CKAP2: variants seen among roughly 807,000 people sequenced by gnomAD.
CKAP2 encodes the protein cytoskeleton-associated protein 2.
A neutral mutation model predicts 58.4 loss-of-function variants in CKAP2; 46 were observed. The ratio of observed to expected loss-of-function variants is 0.79; its 90% confidence interval spans 0.62 to 1.01. The LOEUF (loss-of-function observed/expected upper bound fraction) is 1.01. Ranked by LOEUF, CKAP2 falls within the 50% of genes least tolerant of loss-of-function variation. CKAP2 has a pLI of 0.00. For missense variants in CKAP2, 809 were observed against 796.4 expected, an observed-to-expected ratio of 1.02 and a Z score of -0.19; for synonymous variants, 293 against 280.9, an observed-to-expected ratio of 1.04 and a Z score of -0.43.
At chr13:52,471,168 T>TA (rs376311846) in intron 7 of CKAP2, among the ~76,000 whole-genome samples, 9 of 145,348 alleles carry the variant, frequency 6.2e-5, no homozygotes, top group Admixed American at 2.0e-4. Flanking sequence ...AAAAGAAAAA[T>TA]AAAAAAAAAG....
Position 52,475,938 on chromosome 13 carries a change from A to G in CKAP2, c.*797A>G, listed in dbSNP as rs932427647. 1.3e-5 allele frequency: 2 copies of G among 152,194 alleles called. No individual in the cohort carries two copies. The highest frequency in any genetic ancestry group is 2.9e-5 in the Non-Finnish European group (2 of 68,024). 9.4% of individuals were successfully genotyped at this position (152,194 alleles called of 1,614,324 possible). On this transcript the variant is annotated 3_prime_UTR_variant, in exon 9 of 9. Transcript: ENST00000258607. ...ATTAGAATGGAGTTAGGGAAAGAAC[A>G]TATCATACTGAACAAATGTCATTCT...
rs1665144285 is a variant in CKAP2 at position 52,474,057 on chromosome 13, A to G, written c.1775A>G (p.Asn592Ser). The G allele has an allele frequency of 6.2e-7, 1 of 1,613,730 alleles. No individual in the cohort carries two copies. Residue 592 changes from asparagine (N) to serine (S), a missense_variant, in exon 8 of 9, where the codon AAT (asparagine) becomes AGT (serine). By Grantham distance (46) the Asn-to-Ser change is conservative. Transcript: ENST00000258607. The stretch of plus-strand genomic sequence containing the variant: ...AGGACAAGTTGCTTAATTAAATATA[A>G]TGTGTCTACTACGCCATACTTGCAA... ...ETRTSCLIKY[N>S]VSTTPYLQSV...
intron 2 of CKAP2, among the ~76,000 whole-genome samples, chr13:52,457,232 A>G (rs1036562951): frequency 1.3e-5 from 2 of 152,290 alleles, no homozygotes; most frequent in African/African-American, 4.8e-5. Flanking sequence ...TTCACAGTCT[A>G]AGAGAAAAAA....
intron 7 of CKAP2, among the ~76,000 whole-genome samples, chr13:52,469,817 C>T (rs946575591): frequency 3.3e-5 from 5 of 151,298 alleles, no homozygotes; most frequent in Non-Finnish European, 5.9e-5. Context: ...AGGATGGTCT[C>T]GATCTCCTGA....
intron 5 of CKAP2, 82 bp downstream of exon 5, chr13:52,462,649 T>A: frequency 8.9e-7 from 1 of 1,125,424 alleles, no homozygotes; most frequent in Non-Finnish European, 1.3e-6. Flanking sequence ...ATATTGTCAG[T>A]CTTTTTGACC....
At chr13:52,456,694 T>A in intron 2 of CKAP2, 87 bp downstream of exon 2, 1 of 1,038,922 alleles carries the variant, frequency 9.6e-7, no homozygotes. Context: ...ATCTGTAATT[T>A]TAAATTTTCT....
chr13:52,474,855 A>T, intron 8 of CKAP2, 40 bp from the exon 9 acceptor site: 1 of 1,584,208 alleles, frequency 6.3e-7, no homozygotes, highest in Non-Finnish European at 8.6e-7. Context: ...TAAAAATGTT[A>T]ACATGTTTTT....
In CKAP2 at chr13:52,469,984, A is replaced by G. The variant is rs567419757; in HGVS notation, c.1546+1637A>G. 9.2e-5 allele frequency among the ~76,000 whole-genome samples: 14 copies of G among 152,346 alleles called. No homozygotes were observed. In the East Asian group the frequency reaches 2.7e-3, roughly 29 times the overall value. On this transcript the variant is annotated intron_variant, in intron 7 of 8. Coordinates refer to ENST00000258607, the MANE Select transcript of CKAP2 (RefSeq NM_018204.5). The stretch of plus-strand genomic sequence containing the variant: ...ATTAACTTTAGAAAAATGGTTTTCA[A>G]TTATTTGCTGTAACTGTATATTATA...
chr13:52,468,281 A>G lies in CKAP2; in HGVS notation c.1480A>G (p.Ile494Val). 4 of 1,585,110 alleles carry G rather than the reference A, an allele frequency of 2.5e-6. No individual in the cohort carries two copies. The highest frequency in any genetic ancestry group is 3.4e-6 in the Non-Finnish European group (4 of 1,163,928). ...EKAILAGAQPIEEMRHTIVDI... is the reference protein window; with the variant it reads ...EKAILAGAQPVEEMRHTIVDI... ...TTTCTTCATTAAAAAAATTAAGCCTATTGAAGAGATGCGACACACGATTGT... is the reference window on the plus strand; with the variant it reads ...TTTCTTCATTAAAAAAATTAAGCCTGTTGAAGAGATGCGACACACGATTGT... Residue 494 changes from isoleucine to valine, a missense_variant, in exon 7 of 9, where the codon ATT (isoleucine) becomes GTT (valine). Transcript: ENST00000258607.
intron 5 of CKAP2, among the ~76,000 whole-genome samples, chr13:52,464,782 G>A (rs916637880): frequency 2.0e-5 from 3 of 152,054 alleles, no homozygotes; most frequent in African/African-American, 7.2e-5. Flanking sequence ...CTGAATTCAA[G>A]GTATGATTTC....
rs1958717555 is a variant in CKAP2, at chr13:52,468,649, C to G, written c.1546+302C>G. On this transcript the variant is annotated intron_variant, in intron 7 of 8. Coordinates refer to ENST00000258607, the MANE Select transcript of CKAP2 (RefSeq NM_018204.5). ...CACATGCAGTATTTAGTTTTCTGTT[C>G]CTGTGTTTGCGAAGGATAATGGCCT... is the stretch of plus-strand genomic sequence containing the variant. Among the ~76,000 whole-genome samples the G allele has an allele frequency of 3.9e-5, 6 of 152,288 alleles. 1 individual carries two copies. In the South Asian group the frequency reaches 1.2e-3, roughly 32 times the overall value.
intron 7 of CKAP2, among the ~76,000 whole-genome samples, chr13:52,472,138 G>A (rs1958768860): frequency 6.6e-6 from 1 of 152,130 alleles, no homozygotes; most frequent in African/African-American, 2.4e-5. Flanking sequence ...CTTCCCTGAT[G>A]ATTTCCCTGA....
rs973491623 is a variant in CKAP2 at position 52,456,049 on chromosome 13, C to G, written c.70+423C>G. 8 of 1,031,034 alleles carry G rather than the reference C, an allele frequency of 7.8e-6. No individual in the cohort carries two copies. The African/African-American group carries it at 1.2e-4, about 15-fold the overall frequency. 63.9% of individuals were successfully genotyped at this position (1,031,034 alleles called of 1,614,324 possible). On this transcript the variant is annotated intron_variant, in intron 1 of 8. Transcript: ENST00000258607. ...GCTGGGGTCGCATCATGTGTTATTT[C>G]CAATTTCACAGCTTCTCCTTCGACT...
At position 52,474,898 on chromosome 13, in the gene CKAP2, G is replaced by GA. The variant is rs752250702; in HGVS notation, c.1814dup (p.Val606GlyfsTer4). The GA allele has an allele frequency of 6.2e-6, 10 of 1,604,810 alleles. No homozygotes were observed. Among genetic ancestry groups the GA allele is most frequent in the South Asian group, 3.3e-5 (3 of 90,290 alleles). ...GGAATATTGTTTTAATTTTCAGTGT[G>GA]AAAAAAAAGGTGCAGTTTGATGGAA... On this transcript the variant is annotated frameshift_variant, in exon 9 of 9. Transcript: ENST00000258607. LOFTEE classifies it high-confidence loss of function.
rs1016241878 is a variant in CKAP2, at chr13:52,455,497, G to T, written c.-60G>T. On this transcript the variant is annotated 5_prime_UTR_variant, in exon 1 of 9. Transcript: ENST00000258607. ...CGCGGTGCAGACTGCGGCGGCGGTG[G>T]TCTGAGGAAGTTCTATCTTGGCGCT... 7.1e-5 allele frequency: 114 copies of T among 1,601,100 alleles called. No individual in the cohort carries two copies. The highest frequency in any genetic ancestry group is 7.9e-5 in the Non-Finnish European group (92 of 1,169,492).
At chr13:52,459,234 T>C (rs1958532998) in intron 2 of CKAP2, among the ~76,000 whole-genome samples, 1 of 152,166 alleles carries the variant, frequency 6.6e-6, no homozygotes, top group African/African-American at 2.4e-5. Context: ...TTCTCCAAGC[T>C]GACAGAACAA....
At chr13:52,471,604 T>C (rs1488099950) in intron 7 of CKAP2, among the ~76,000 whole-genome samples, 1 of 152,156 alleles carries the variant, frequency 6.6e-6, no homozygotes, top group African/African-American at 2.4e-5. Flanking sequence ...CACATAATTT[T>C]CCCCTAAACC....
Position 52,468,263 on chromosome 13 carries a change from A to C in CKAP2, c.1477-15A>C. 4 of 1,522,120 alleles carry C rather than the reference A, an allele frequency of 2.6e-6. No individual in the cohort carries two copies. The highest frequency in any genetic ancestry group is 3.6e-6 in the Non-Finnish European group (4 of 1,114,380). The allele number at this position is 1,522,120 out of a possible 1,614,324, so 94.3% of individuals were successfully genotyped here. A position where few individuals can be genotyped will look rare whatever the true frequency, so the allele number is the denominator to read the frequency against. On this transcript the variant is annotated splice_polypyrimidine_tract_variant and intron_variant, in intron 6 of 8. Transcript: ENST00000258607. ...AAACTTACATGGATCTGCTTTCTTC[A>C]TTAAAAAAATTAAGCCTATTGAAGA...
At chr13:52,465,683 T>TCC (rs1384800481) in intron 6 of CKAP2, 2 of 631,098 alleles carry the variant, frequency 3.2e-6, no homozygotes, top group South Asian at 1.6e-5. Flanking sequence ...AAAATGGATA[T>TCC]AAGCTGAAAT....
Sources: gnomAD v4.1 joint callset for allele counts (sites outside exome capture counted in the v4.1 genomes callset) on GRCh38, gnomAD v4.1.1 for gene constraint, MANE v1.5 for transcripts, NCBI Gene and HGNC (gene_info 2026-07-23, HGNC 2026-07-21) for gene names.